The following TRPC4 variants were observed in gnomAD, a reference collection of about 807,000 sequenced individuals.
TRPC4 encodes short transient receptor potential channel 4.
TRPC4 carries 49 observed loss-of-function variants against 99.4 expected under a neutral mutation model. The observed-to-expected ratio is 0.49, with a 90% CI of 0.39 to 0.63. The LOEUF (loss-of-function observed/expected upper bound fraction) is 0.63. Ranked by LOEUF, TRPC4 falls within the 20% of genes least tolerant of loss-of-function variation. The probability of loss-of-function intolerance (pLI) is 0.00; values close to 1 mark genes in which losing one functional copy is unlikely to be tolerated. For missense variants in TRPC4, 898 were observed against 1,152.9 expected (o/e 0.78, Z 3.20); for synonymous variants, 454 against 425.9 (o/e 1.07, Z -0.81).
intron 3 of TRPC4, among the ~76,000 whole-genome samples, chr13:37,734,760 C>T (rs761285198): frequency 1.3e-5 from 2 of 152,056 alleles, no homozygotes; most frequent in Non-Finnish European, 2.9e-5. Context: ...AATCACTGTT[C>T]ATAGATAAGG....
In TRPC4 at chr13:37,828,343, G is replaced by A. The variant is rs578087628; in HGVS notation, c.-28+41252C>T. 1.1e-3 allele frequency among the ~76,000 whole-genome samples: 170 copies of A among 152,294 alleles called. 1 individual carries two copies. Among genetic ancestry groups the A allele is most frequent in the African/African-American group, 4.0e-3 (165 of 41,556 alleles). ...AAAAAGCCAAAAAATAACAGATGCT[G>A]GCGAGGTTGTGGAGAAAAGGGAATG... On this transcript the variant is annotated intron_variant, in intron 1 of 10. Transcript: ENST00000379705.
intron 1 of TRPC4, among the ~76,000 whole-genome samples, chr13:37,809,932 C>T (rs1407918940): frequency 1.3e-5 from 2 of 152,012 alleles, no homozygotes; most frequent in African/African-American, 4.8e-5. Context: ...TGAGCAAGGG[C>T]TTCTAGATTT....
At chr13:37,665,711 T>C (rs1026036215) in intron 5 of TRPC4, among the ~76,000 whole-genome samples, 3 of 152,102 alleles carry the variant, frequency 2.0e-5, no homozygotes, top group African/African-American at 7.2e-5. Context: ...GGAAAGATGC[T>C]ATGCATTGCT....
intron 2 of TRPC4, among the ~76,000 whole-genome samples, chr13:37,747,320 A>G (rs1955815991): frequency 6.6e-6 from 1 of 152,156 alleles, no homozygotes; most frequent in African/African-American, 2.4e-5. Flanking sequence ...CTACAATCTG[A>G]TCTGCAATTT....
At chr13:37,829,031 A>G (rs975460734) in intron 1 of TRPC4, among the ~76,000 whole-genome samples, 2 of 152,256 alleles carry the variant, frequency 1.3e-5, no homozygotes, top group Non-Finnish European at 2.9e-5. Context: ...AAACATAGGT[A>G]TAAATCCCGA....
At chr13:37,655,340 G>A in intron 6 of TRPC4, 57 bp from the exon 7 acceptor site, 1 of 983,494 alleles carries the variant, frequency 1.0e-6, no homozygotes, top group Non-Finnish European at 1.3e-6. Context: ...TTATACATGG[G>A]ATAAAACAAT....
chr13:37,722,712 A>G (rs888094095), intron 3 of TRPC4, among the ~76,000 whole-genome samples: 2 of 152,204 alleles, frequency 1.3e-5, no homozygotes, highest in Admixed American at 6.6e-5. Flanking sequence ...TAAGCGATAA[A>G]TACATTAATT....
At chr13:37,674,149 T>G in intron 5 of TRPC4, 79 bp downstream of exon 5, 3 of 1,333,454 alleles carry the variant, frequency 2.2e-6, no homozygotes, top group Non-Finnish European at 2.9e-6. Flanking sequence ...GTAACTTTAT[T>G]AATAAAATTA....
chr13:37,750,440 A>T (rs1330266624), intron 2 of TRPC4, among the ~76,000 whole-genome samples: 1 of 151,592 alleles, frequency 6.6e-6, no homozygotes, highest in East Asian at 2.0e-4. Flanking sequence ...TGCCATTTGC[A>T]AATAACTTTT....
intron 5 of TRPC4, among the ~76,000 whole-genome samples, chr13:37,665,793 G>A (rs925864136): frequency 7.0e-6 from 1 of 143,420 alleles, no homozygotes; most frequent in Non-Finnish European, 1.5e-5. Context: ...TTCTATTATG[G>A]ACCTACTCTG....
intron 3 of TRPC4, among the ~76,000 whole-genome samples, chr13:37,709,363 A>G (rs1170002119): frequency 6.6e-6 from 1 of 152,018 alleles, no homozygotes; most frequent in Non-Finnish European, 1.5e-5. Context: ...GATATTAACC[A>G]AGCATAAAAT....
intron 7 of TRPC4, among the ~76,000 whole-genome samples, chr13:37,653,574 C>T (rs1253247506): frequency 2.0e-5 from 3 of 152,130 alleles, no homozygotes; most frequent in African/African-American, 4.8e-5. Context: ...GGAATCACAC[C>T]TGTCTCAGGT....
intron 2 of TRPC4, among the ~76,000 whole-genome samples, chr13:37,764,463 GGTT>G: frequency 2.0e-5 from 3 of 147,912 alleles, no homozygotes; most frequent in Admixed American, 1.3e-4. Flanking sequence ...CTTTCATATT[GGTT>G]ACAATAATTT....
chr13:37,818,180 T>A (rs957653902), intron 1 of TRPC4, among the ~76,000 whole-genome samples: 11 of 132,266 alleles, frequency 8.3e-5, no homozygotes, highest in African/African-American at 3.2e-4. Flanking sequence ...AGAAAAAAAA[T>A]AAAAACCCCA....
rs200433318 is a variant in TRPC4, at chr13:37,670,356, G to GT, written c.1374+3871dup. Reference sequence around the variant, plus strand: ...TTTTCTTTTTTTGTAGGATGATACAGTTTTTTTTGGTCCAGTTCCATGACT... The same window carrying GT: ...TTTTCTTTTTTTGTAGGATGATACAGTTTTTTTTTGGTCCAGTTCCATGACT... On this transcript the variant is annotated intron_variant, in intron 5 of 10. Coordinates refer to ENST00000379705, the MANE Select transcript of TRPC4 (RefSeq NM_016179.4). Among the ~76,000 whole-genome samples the GT allele has an allele frequency of 3.7e-3, 565 of 151,984 alleles. 3 individuals carry two copies. The highest frequency in any genetic ancestry group is 0.013 in the African/African-American group (525 of 41,468).
intron 3 of TRPC4, among the ~76,000 whole-genome samples, chr13:37,719,874 A>T (rs1304801374): frequency 2.0e-5 from 3 of 152,210 alleles, no homozygotes; most frequent in Non-Finnish European, 2.9e-5. Context: ...ATCAGCTAAC[A>T]TTAAAATATG....
intron 2 of TRPC4, among the ~76,000 whole-genome samples, chr13:37,753,795 T>G (rs1054005831): frequency 6.6e-6 from 1 of 152,096 alleles, no homozygotes; most frequent in African/African-American, 2.4e-5. Context: ...TAATGCAAAT[T>G]TGCACGTTCT....
chr13:37,726,356 G>C (rs1170540588), intron 3 of TRPC4, among the ~76,000 whole-genome samples: 1 of 152,096 alleles, frequency 6.6e-6, no homozygotes, highest in Non-Finnish European at 1.5e-5. Flanking sequence ...TGAAAAGCAT[G>C]GAGATGGAGC....
At chr13:37,748,268 T>C (rs1955840344) in intron 2 of TRPC4, among the ~76,000 whole-genome samples, 1 of 152,156 alleles carries the variant, frequency 6.6e-6, no homozygotes, top group Non-Finnish European at 1.5e-5. Context: ...ACAATGTAAC[T>C]AAATAATTTC....
Sources: gnomAD v4.1 joint callset for allele counts (sites outside exome capture counted in the v4.1 genomes callset) on GRCh38, gnomAD v4.1.1 for gene constraint, MANE v1.5 for transcripts, NCBI Gene and HGNC (gene_info 2026-07-23, HGNC 2026-07-21) for gene names.